Variants in FOCAD observed in about 807,000 individuals in gnomAD.
FOCAD encodes KIAA1797.
FOCAD carries 198 observed loss-of-function variants against 225.6 expected under a neutral mutation model. That is an observed-to-expected ratio of 0.88 (90% CI 0.78 to 0.99). The LOEUF is 0.99. FOCAD is among the 50% of genes least tolerant of loss of function. The pLI is 0.00. For missense variants in FOCAD, 2,713 were observed against 2,123.6 expected (o/e 1.28, Z -5.46); for synonymous variants, 897 against 755.0 (o/e 1.19, Z -3.08).
intron 21 of FOCAD, among the ~76,000 whole-genome samples, chr9:20,895,719 C>A (rs928740969): frequency 2.0e-5 from 3 of 151,476 alleles, no homozygotes; most frequent in Non-Finnish European, 4.4e-5. Context: ...TGTATTGTAA[C>A]CTTGTATCTT....
intron 1 of FOCAD, among the ~76,000 whole-genome samples, chr9:20,708,103 G>A (rs1178031492): frequency 6.6e-6 from 1 of 152,164 alleles, no homozygotes; most frequent in Non-Finnish European, 1.5e-5. Flanking sequence ...GTCAGTTGGT[G>A]ACTCTAGAAT....
Position 20,933,038 on chromosome 9 carries a change from C to A in FOCAD, c.3342C>A (p.Asn1114Lys), listed in dbSNP as rs762588378. The A allele has an allele frequency of 1.9e-6, 3 of 1,613,792 alleles. No homozygotes were observed. The South Asian group carries it at 3.3e-5, about 18-fold the overall frequency. ...KLSDISGQEMNLLLMKSLDAL... is the reference protein window; with the variant it reads ...KLSDISGQEMKLLLMKSLDAL... ...GTGATATATCTGGCCAAGAGATGAACCTTCTTCTGATGAAGTCGTTGGATG... is the reference window on the plus strand; with the variant it reads ...GTGATATATCTGGCCAAGAGATGAAACTTCTTCTGATGAAGTCGTTGGATG... Residue 1114 changes from asparagine to lysine, a missense_variant, in exon 28 of 44, where the codon AAC becomes AAA. Transcript: ENST00000338382.
chr9:20,788,113 A>G (rs2131165495), intron 10 of FOCAD, among the ~76,000 whole-genome samples: 1 of 152,340 alleles, frequency 6.6e-6, no homozygotes, highest in South Asian at 2.1e-4. Flanking sequence ...GTGTATCCAT[A>G]CAATGGAATA....
At position 20,885,235 on chromosome 9, in the gene FOCAD, G is replaced by T. The variant is rs748022105; in HGVS notation, c.2625+5G>T. ...TCACTTGCTCTTGTACATGAGGTAG[G>T]TTCCCGTGTCCTCTTCTTTATGTTT... On this transcript the variant is annotated splice_donor_5th_base_variant and intron_variant, in intron 21 of 43. Transcript: ENST00000338382. 2 of 1,493,790 alleles carry T rather than the reference G, an allele frequency of 1.3e-6. No homozygotes were observed. Among genetic ancestry groups the T allele is most frequent in the Non-Finnish European group, 1.8e-6 (2 of 1,120,384 alleles). The allele number at this position is 1,493,790 out of a possible 1,614,324, so 92.5% of individuals were successfully genotyped here.
chr9:20,764,400 C>T (rs1015252467), intron 6 of FOCAD, among the ~76,000 whole-genome samples: 9 of 152,142 alleles, frequency 5.9e-5, no homozygotes, highest in Non-Finnish European at 2.9e-5. Context: ...ACTACAGGTG[C>T]ATGCCACCAC....
At chr9:20,978,584 G>C (rs1840412422) in intron 37 of FOCAD, 130 bp downstream of exon 37, 8 of 546,460 alleles carry the variant, frequency 1.5e-5, no homozygotes, top group Non-Finnish European at 2.5e-5. Context: ...TCGAGGGTTT[G>C]ATAGTAGCTG....
At chr9:20,876,748 G>C (rs749223298) in intron 19 of FOCAD, among the ~76,000 whole-genome samples, 11 of 152,122 alleles carry the variant, frequency 7.2e-5, no homozygotes, top group Non-Finnish European at 1.5e-4. Flanking sequence ...CCAGGAAAAA[G>C]TCACCAGCCT....
At chr9:20,902,000 A>G (rs1832603124) in intron 21 of FOCAD, among the ~76,000 whole-genome samples, 1 of 151,964 alleles carries the variant, frequency 6.6e-6, no homozygotes, top group Non-Finnish European at 1.5e-5. Context: ...CTTGAACACC[A>G]TAATTTTCTA....
intron 1 of FOCAD, among the ~76,000 whole-genome samples, chr9:20,704,867 A>G (rs1232442322): frequency 1.3e-5 from 2 of 152,198 alleles, no homozygotes; most frequent in Non-Finnish European, 2.9e-5. Flanking sequence ...TGGTAACTTT[A>G]TTAAAATTAC....
chr9:20,863,426 C>G (rs1280162420), intron 16 of FOCAD: 1 of 152,078 alleles, frequency 6.6e-6, no homozygotes, highest in Non-Finnish European at 1.5e-5. Flanking sequence ...TTTAGATCAT[C>G]TGACTGAGAC....
At chr9:20,826,074 C>T (rs1824858070) in intron 15 of FOCAD, among the ~76,000 whole-genome samples, 1 of 152,014 alleles carries the variant, frequency 6.6e-6, no homozygotes, top group Admixed American at 6.6e-5. Context: ...TAAAAAATTA[C>T]AGCTACTATT....
At chr9:20,685,207 T>TTTTTTTTG (rs1333532231) in intron 1 of FOCAD, among the ~76,000 whole-genome samples, 1 of 151,920 alleles carries the variant, frequency 6.6e-6, no homozygotes, top group Non-Finnish European at 1.5e-5. Flanking sequence ...TTTTTTTTTT[T>TTTTTTTTG]TTTGTTATTT....
At chr9:20,857,962 A>G (rs557200560) in intron 15 of FOCAD, among the ~76,000 whole-genome samples, 508 of 152,074 alleles carry the variant, frequency 3.3e-3, no homozygotes, top group African/African-American at 0.012. Flanking sequence ...ACGAGAAACA[A>G]TCTTTTTAAT....
intron 15 of FOCAD, among the ~76,000 whole-genome samples, chr9:20,851,481 C>T (rs1033332455): frequency 5.3e-5 from 8 of 151,770 alleles, no homozygotes; most frequent in Admixed American, 1.3e-4. Flanking sequence ...GATATTGGAA[C>T]AATTCAAGTC....
rs1434912183 is a variant in FOCAD at position 20,781,734 on chromosome 9, G to A, written c.1002G>A (p.Lys334=). Residue 334 remains lysine, a synonymous_variant, in exon 10 of 44, where the codon AAG becomes AAA. Coordinates refer to ENST00000338382, the MANE Select transcript of FOCAD (RefSeq NM_001375567.1). ...TATTGTTTTGATGAATAGCTTTGAA[G>A]CTCCTCTCTGTTACTGAGGATCAGA... The part of the protein sequence containing the change: ...QQKPILNLAL[K]LLSVTEDQKI... The A allele has an allele frequency of 6.2e-7, 1 of 1,613,374 alleles. No individual in the cohort carries two copies.
intron 4 of FOCAD, among the ~76,000 whole-genome samples, chr9:20,734,190 C>G (rs561541638): frequency 6.6e-6 from 1 of 152,024 alleles, no homozygotes; most frequent in South Asian, 2.1e-4. Flanking sequence ...TGTTATTGAG[C>G]CCTGGTGAAA....
At chr9:20,886,196 G>A (rs1267448337) in intron 21 of FOCAD, among the ~76,000 whole-genome samples, 1 of 116,292 alleles carries the variant, frequency 8.6e-6, no homozygotes, top group Non-Finnish European at 1.8e-5. Context: ...TTAAAATTGT[G>A]TAAATACTTG....
intron 1 of FOCAD, among the ~76,000 whole-genome samples, chr9:20,708,353 A>G (rs1587286136): frequency 6.6e-6 from 1 of 152,222 alleles, no homozygotes; most frequent in East Asian, 1.9e-4. Flanking sequence ...TAGAAAAAGA[A>G]AAGTCCTGGA....
At chr9:20,761,510 T>G (rs915375332) in intron 6 of FOCAD, among the ~76,000 whole-genome samples, 1 of 152,128 alleles carries the variant, frequency 6.6e-6, no homozygotes, top group African/African-American at 2.4e-5. Flanking sequence ...AACCTCTGCC[T>G]CACGGGTTCA....
Sources: gnomAD v4.1 joint callset for allele counts (sites outside exome capture counted in the v4.1 genomes callset) on GRCh38, gnomAD v4.1.1 for gene constraint, MANE v1.5 for transcripts, NCBI Gene and HGNC (gene_info 2026-07-23, HGNC 2026-07-21) for gene names.